FAM171A1: variants seen among roughly 807,000 people sequenced by gnomAD.
The protein encoded by FAM171A1 is protein FAM171A1.
Under a neutral mutation model 74.9 loss-of-function variants are expected in FAM171A1, and 23 were observed. That is an observed-to-expected ratio of 0.31 (90% CI 0.22 to 0.44). The LOEUF is 0.44. Ranked by LOEUF, FAM171A1 falls within the 20% of genes least tolerant of loss-of-function variation. FAM171A1 has a pLI of 1.00. For synonymous variants in FAM171A1, 527 were observed against 505.7 expected (o/e 1.04, Z -0.57); for missense variants, 1,162 against 1,159.2 (o/e 1.00, Z -0.03).
intron 1 of FAM171A1, among the ~76,000 whole-genome samples, chr10:15,325,769 T>C (rs1588554807): frequency 6.6e-6 from 1 of 152,096 alleles, no homozygotes; most frequent in African/African-American, 2.4e-5. Context: ...CCACGTCCAA[T>C]TGGACCAGGA....
intron 1 of FAM171A1, among the ~76,000 whole-genome samples, chr10:15,318,959 G>A (rs1211504249): frequency 6.6e-6 from 1 of 152,194 alleles, no homozygotes; most frequent in East Asian, 1.9e-4. Context: ...ACACTTGAGA[G>A]GGGACCAAAG....
chr10:15,314,232 A>T (rs553028558), intron 1 of FAM171A1, among the ~76,000 whole-genome samples: 1 of 152,046 alleles, frequency 6.6e-6, no homozygotes, highest in Non-Finnish European at 1.5e-5. Flanking sequence ...GCACATCACC[A>T]TTGCCACTGA....
At chr10:15,231,953 C>T (rs1054968172) in intron 5 of FAM171A1, among the ~76,000 whole-genome samples, 5 of 151,936 alleles carry the variant, frequency 3.3e-5, no homozygotes, top group African/African-American at 4.8e-5. Context: ...TTAGCTGGGC[C>T]GTGGTGGCAG....
At chr10:15,315,230 G>GT (rs1397515732) in intron 1 of FAM171A1, among the ~76,000 whole-genome samples, 2 of 152,156 alleles carry the variant, frequency 1.3e-5, no homozygotes, top group Non-Finnish European at 2.9e-5. Context: ...GCAGAGAGTG[G>GT]TTCCACTCTG....
chr10:15,324,304 G>A (rs71485558), intron 1 of FAM171A1, among the ~76,000 whole-genome samples: 14,998 of 152,088 alleles, frequency 0.099, 791 homozygotes, highest in African/African-American at 0.12. Flanking sequence ...TCCACGCTCA[G>A]CAGGGTTTGC....
At chr10:15,302,403 C>T (rs928245100) in intron 1 of FAM171A1, among the ~76,000 whole-genome samples, 2 of 151,366 alleles carry the variant, frequency 1.3e-5, no homozygotes, top group African/African-American at 4.9e-5. Flanking sequence ...AGGCGGAGGT[C>T]GCAGTGCGCC....
intron 1 of FAM171A1, among the ~76,000 whole-genome samples, chr10:15,359,703 C>T (rs1287738036): frequency 2.6e-5 from 4 of 152,164 alleles, no homozygotes. Flanking sequence ...GGAACTTTCT[C>T]CAGCTGTAGC....
chr10:15,214,298 C>A lies in FAM171A1; in HGVS notation c.1290G>T (p.Glu430Asp). ...STSQEFSSRE[E>D]LLSCKEEDKS... ...TATCCTCTTCCTTGCAAGAGAGGAGCTCCTCCCGGGAGCTAAATTCCTGGG... is the reference window on the plus strand; with the variant it reads ...TATCCTCTTCCTTGCAAGAGAGGAGATCCTCCCGGGAGCTAAATTCCTGGG... Residue 430 changes from glutamate (E) to aspartate (D), a missense_variant, in exon 8 of 8, where the codon GAG becomes GAT. By Grantham distance (45) the Glu-to-Asp change is conservative. Transcript: ENST00000378116. The A allele has an allele frequency of 6.2e-7, 1 of 1,613,578 alleles. No homozygotes were observed. The highest frequency in any genetic ancestry group is 8.5e-7 in the Non-Finnish European group (1 of 1,179,812).
intron 1 of FAM171A1, among the ~76,000 whole-genome samples, chr10:15,351,613 A>G (rs1179011233): frequency 6.6e-6 from 1 of 150,530 alleles, no homozygotes; most frequent in Non-Finnish European, 1.5e-5. Flanking sequence ...GGATGGATGC[A>G]TGGATGGATG....
intron 7 of FAM171A1, 134 bp downstream of exon 7, chr10:15,215,862 T>C: frequency 1.7e-6 from 1 of 591,912 alleles, no homozygotes; most frequent in Non-Finnish European, 2.9e-6. Flanking sequence ...GTTCTTACTT[T>C]TTCATGGGAA....
At chr10:15,283,410 T>C (rs551965773) in intron 2 of FAM171A1, among the ~76,000 whole-genome samples, 2 of 152,300 alleles carry the variant, frequency 1.3e-5, no homozygotes, top group East Asian at 1.9e-4. Flanking sequence ...ATGATCTCCA[T>C]TGTATCTGTA....
At chr10:15,369,697 C>T (rs1836110751) in intron 1 of FAM171A1, among the ~76,000 whole-genome samples, 1 of 152,170 alleles carries the variant, frequency 6.6e-6, no homozygotes, top group South Asian at 2.1e-4. Flanking sequence ...GCCTTTCCTC[C>T]CCGTAGCAAC....
chr10:15,277,975 C>G (rs1434240557), intron 2 of FAM171A1, among the ~76,000 whole-genome samples: 1 of 152,152 alleles, frequency 6.6e-6, no homozygotes, highest in Non-Finnish European at 1.5e-5. Context: ...AGGCTGGTCT[C>G]AAATTCCTGG....
chr10:15,334,895 T>C (rs1426879050), intron 1 of FAM171A1, among the ~76,000 whole-genome samples: 2 of 152,224 alleles, frequency 1.3e-5, no homozygotes, highest in African/African-American at 4.8e-5. Flanking sequence ...TGAGCGTGGC[T>C]TCCCAAAGTG....
intron 4 of FAM171A1, among the ~76,000 whole-genome samples, chr10:15,252,967 G>A (rs912909216): frequency 6.6e-6 from 1 of 152,118 alleles, no homozygotes; most frequent in Non-Finnish European, 1.5e-5. Flanking sequence ...CATTTTGTCC[G>A]GGAGGCTGGA....
chr10:15,333,141 C>T (rs1017789159), intron 1 of FAM171A1, among the ~76,000 whole-genome samples: 5 of 152,208 alleles, frequency 3.3e-5, no homozygotes, highest in Non-Finnish European at 7.3e-5. Flanking sequence ...TCAGAGTCCA[C>T]TCAACATTTT....
chr10:15,352,082 A>AG (rs934977385), intron 1 of FAM171A1, among the ~76,000 whole-genome samples: 9 of 146,616 alleles, frequency 6.1e-5, no homozygotes, highest in Middle Eastern at 3.2e-3. Flanking sequence ...AAAATACAAA[A>AG]AAAAAAAATT....
intron 1 of FAM171A1, among the ~76,000 whole-genome samples, chr10:15,316,693 C>T (rs1262556158): frequency 1.3e-5 from 2 of 152,116 alleles, no homozygotes; most frequent in African/African-American, 4.8e-5. Flanking sequence ...ACCTGACTGG[C>T]AGAAATCCAA....
intron 5 of FAM171A1, chr10:15,240,899 C>A (rs1285075488): frequency 5.7e-6 from 1 of 174,832 alleles, no homozygotes; most frequent in African/African-American, 2.4e-5. Context: ...TACAAATTAG[C>A]TGGGCATGCT....
Sources: allele counts gnomAD v4.1 joint callset (sites outside exome capture counted in the v4.1 genomes callset), GRCh38; gene constraint gnomAD v4.1.1; transcripts MANE v1.5; gene names NCBI Gene and HGNC (gene_info 2026-07-23, HGNC 2026-07-21).